FAM47B: variants seen among roughly 807,000 people sequenced by gnomAD.
FAM47B encodes protein FAM47B.
For synonymous variants in FAM47B, 247 were observed against 215.8 expected, an observed-to-expected ratio of 1.14 and a Z score of -1.27; for missense variants, 581 against 550.1, an observed-to-expected ratio of 1.06 and a Z score of -0.56.
rs746896481 is a variant in FAM47B, at chrX:34,944,268, C to T, written c.1437C>T (p.Ile479=). Residue 479 remains isoleucine, a synonymous_variant, in exon 1 of 1, where the codon ATC becomes ATT. Coordinates refer to ENST00000329357, the MANE Select transcript of FAM47B (RefSeq NM_152631.3). The part of the protein sequence containing the change: ...AGDLGVNEES[I]SSLFDFTPEC... ...ACCTAGGAGTTAATGAAGAATCCATCAGCAGTCTGTTTGACTTTACCCCTG... is the reference window on the plus strand; with the variant it reads ...ACCTAGGAGTTAATGAAGAATCCATTAGCAGTCTGTTTGACTTTACCCCTG... 6 of 1,211,820 alleles carry T rather than the reference C, an allele frequency of 5.0e-6. No individual in the cohort carries two copies. In the Admixed American group the frequency reaches 1.3e-4, roughly 26 times the overall value.
In FAM47B at chrX:34,943,110, G is replaced by A. The variant is rs1335462419; in HGVS notation, c.279G>A (p.Arg93=). ...LRGPQADRKS[R]KKKLLKKAAL... is the part of the protein sequence containing the mutation. ...GTCCCCAAGCTGACCGCAAAAGCAG[G>A]AAGAAAAAGCTGCTCAAGAAAGCGG... is the stretch of plus-strand genomic sequence containing the variant. The change falls in exon 1 of 1, where the codon AGG becomes AGA. Residue 93 remains arginine (R), a synonymous_variant. Coordinates refer to ENST00000329357, the MANE Select transcript of FAM47B (RefSeq NM_152631.3). 6.6e-6 allele frequency: 8 copies of A among 1,210,134 alleles called. No individual in the cohort carries two copies. The highest frequency in any genetic ancestry group is 5.9e-5 in the East Asian group (2 of 33,722).
Position 34,944,749 on chromosome X carries a change from G to A in FAM47B, c.1918G>A (p.Asp640Asn). ...QVYKYKEDVT[D>N]ASKED ...TTACAAGTACAAAGAAGACGTCACA[G>A]ATGCATCAAAAGAAGATTAGATGGT... Residue 640 changes from aspartate to asparagine, a missense_variant, in exon 1 of 1, where the codon GAT becomes AAT. Transcript: ENST00000329357. 1.7e-6 allele frequency: 2 copies of A among 1,161,258 alleles called. No homozygotes were observed. The highest frequency in any genetic ancestry group is 5.3e-5 in the Admixed American group (2 of 37,638).
In FAM47B at chrX:34,942,905, C is replaced by T. The variant is rs1926795899; in HGVS notation, c.74C>T (p.Pro25Leu). The change falls in exon 1 of 1, where the codon CCG becomes CTG. Residue 25 changes from proline (P) to leucine (L), a missense_variant. Transcript: ENST00000329357. ...MDSKPWYCDKPPSKYFAKRKH... is the reference protein window; with the variant it reads ...MDSKPWYCDKLPSKYFAKRKH... ...TCCAAGCCCTGGTACTGTGACAAAC[C>T]GCCTTCCAAGTACTTCGCGAAGCGC... 8.3e-7 allele frequency: 1 copy of T among 1,212,050 alleles called. No individual in the cohort carries two copies.
Position 34,944,854 on chromosome X carries a change from A to C in FAM47B, c.*85A>C. On this transcript the variant is annotated 3_prime_UTR_variant, in exon 1 of 1. Transcript: ENST00000329357. The stretch of plus-strand genomic sequence containing the variant: ...GAATTTATGATGACTGGCCCCGTGA[A>C]TGTACAACTTTGGCAACATCTGTAA... 9.6e-7 allele frequency: 1 copy of C among 1,044,811 alleles called. No homozygotes were observed. The highest frequency in any genetic ancestry group is 1.9e-5 in the African/African-American group (1 of 53,480). The allele number at this position is 1,044,811 out of a possible 1,213,427, so 86.1% of individuals were successfully genotyped here. A position where few individuals can be genotyped will look rare whatever the true frequency, so the allele number is the denominator to read the frequency against.
rs777280575 is a variant in FAM47B at position 34,944,367 on chromosome X, G to A, written c.1536G>A (p.Met512Ile). 7.4e-6 allele frequency: 9 copies of A among 1,211,892 alleles called. No homozygotes were observed. The highest frequency in any genetic ancestry group is 1.0e-5 in the Non-Finnish European group (9 of 895,617). Residue 512 changes from methionine (M) to isoleucine (I), a missense_variant, in exon 1 of 1, where the codon ATG becomes ATA. Transcript: ENST00000329357. ...GTGCTTCAAGGCTGATGTACGGCAT[G>A]GAGCTAGACGACATGGATGAGGTCG... ...NECASRLMYG[M>I]ELDDMDEVEF... is the part of the protein sequence containing the mutation.
Position 34,943,978 on chromosome X carries a change from T to G in FAM47B, c.1147T>G (p.Trp383Gly), listed in dbSNP as rs1393158508. ...CACCAAGCCTGGTAAATACCATTTTTGGGAATCCTGTCCGCGGCCTTTTGA... is the reference window on the plus strand; with the variant it reads ...CACCAAGCCTGGTAAATACCATTTTGGGGAATCCTGTCCGCGGCCTTTTGA... The part of the protein sequence containing the change: ...ELTKPGKYHF[W>G]ESCPRPFESR... Residue 383 changes from tryptophan (W) to glycine (G), a missense_variant, in exon 1 of 1, where the codon TGG becomes GGG. Coordinates refer to ENST00000329357, the MANE Select transcript of FAM47B (RefSeq NM_152631.3). The G allele has an allele frequency of 5.0e-6, 6 of 1,210,696 alleles. No homozygotes were observed. The highest frequency in any genetic ancestry group is 5.6e-6 in the Non-Finnish European group (5 of 895,250).
At position 34,943,053 on chromosome X, in the gene FAM47B, C is replaced by T; in HGVS notation, c.222C>T (p.Asp74=). Reference sequence around the variant, plus strand: ...AAGATACGCTTGTTTGTCGCCGTGACGAGTTTTTACTCCCCAAAATATCTC... The same window carrying T: ...AAGATACGCTTGTTTGTCGCCGTGATGAGTTTTTACTCCCCAAAATATCTC... ...SPEDTLVCRR[D]EFLLPKISLR... Residue 74 remains aspartate, a synonymous_variant, in exon 1 of 1, where the codon GAC becomes GAT. Transcript: ENST00000329357. 1.7e-6 allele frequency: 2 copies of T among 1,211,922 alleles called. No homozygotes were observed. The highest frequency in any genetic ancestry group is 2.2e-6 in the Non-Finnish European group (2 of 895,566).
Position 34,943,597 on chromosome X carries a change from G to A in FAM47B, c.766G>A (p.Val256Met). The A allele has an allele frequency of 8.3e-7, 1 of 1,210,672 alleles. No individual in the cohort carries two copies. The highest frequency in any genetic ancestry group is 1.1e-6 in the Non-Finnish European group (1 of 895,265). The part of the protein sequence containing the change: ...HLRVDPPETG[V>M]SHLCPEPPKT... ...CCGCGTGGATCCTCCCGAGACTGGA[G>A]TGTCCCATCTCTGCCCAGAGCCTCC... Residue 256 changes from valine (V) to methionine (M), a missense_variant, in exon 1 of 1, where the codon GTG becomes ATG. Coordinates refer to ENST00000329357, the MANE Select transcript of FAM47B (RefSeq NM_152631.3).
rs374173252 is a variant in FAM47B at position 34,943,012 on chromosome X, G to A, written c.181G>A (p.Ala61Thr). Residue 61 changes from alanine (A) to threonine (T), a missense_variant, in exon 1 of 1, where the codon GCC (alanine) becomes ACC (threonine). Transcript: ENST00000329357. ...VTEGMDDFRYACQSPEDTLVC... is the reference protein window; with the variant it reads ...VTEGMDDFRYTCQSPEDTLVC... The stretch of plus-strand genomic sequence containing the variant: ...GGAGGGCATGGACGACTTCCGCTAC[G>A]CCTGTCAGTCTCCTGAAGATACGCT... 15 of 1,210,876 alleles carry A rather than the reference G, an allele frequency of 1.2e-5. No individual in the cohort carries two copies. The African/African-American group carries it at 2.1e-4, about 17-fold the overall frequency.
rs779732930 is a variant in FAM47B, at chrX:34,943,649, C to T, written c.818C>T (p.Pro273Leu). The stretch of plus-strand genomic sequence containing the variant: ...AAGACTCTGGTGTCCAGTGTCCACC[C>T]AGAGCCTCCTGATACTGGAGCGTCC... ...PPKTLVSSVH[P>L]EPPDTGASHL... Residue 273 changes from proline to leucine, a missense_variant, in exon 1 of 1, where the codon CCA becomes CTA. Physicochemically the swap from Pro to Leu is moderately conservative, Grantham distance 98. Coordinates refer to ENST00000329357, the MANE Select transcript of FAM47B (RefSeq NM_152631.3). 226 of 1,205,806 alleles carry T rather than the reference C, an allele frequency of 1.9e-4. No individual in the cohort carries two copies. The highest frequency in any genetic ancestry group is 2.5e-4 in the Non-Finnish European group (222 of 893,958).
In FAM47B at chrX:34,943,140, A is replaced by G. The variant is rs1423614287; in HGVS notation, c.309A>G (p.Leu103=). ...AAAAGCTGCTCAAGAAAGCGGCCCT[A>G]TTTTCCGAGCTCTCGCCAGTACAGC... The part of the protein sequence containing the change: ...RKKKLLKKAA[L]FSELSPVQPA... The change falls in exon 1 of 1, where the codon CTA becomes CTG. Residue 103 remains leucine (L), a synonymous_variant. Coordinates refer to ENST00000329357, the MANE Select transcript of FAM47B (RefSeq NM_152631.3). 1.4e-5 allele frequency: 17 copies of G among 1,209,799 alleles called. No individual in the cohort carries two copies. The highest frequency in any genetic ancestry group is 2.3e-4 in the Middle Eastern group (1 of 4,372).
chrX:34,943,245 A>T lies in FAM47B; in HGVS notation c.414A>T (p.Gly138=). 1 of 1,211,196 alleles carries T rather than the reference A, an allele frequency of 8.3e-7. No individual in the cohort carries two copies. Among genetic ancestry groups the T allele is most frequent in the African/African-American group, 1.7e-5 (1 of 57,721 alleles). ...KHPLAMYPNL[G]KDMPPDLLLQ... Reference sequence around the variant, plus strand: ...CCTTGGCCATGTACCCCAATCTGGGAAAAGATATGCCTCCAGATCTCCTAC... The same window carrying T: ...CCTTGGCCATGTACCCCAATCTGGGTAAAGATATGCCTCCAGATCTCCTAC... The change falls in exon 1 of 1, where the codon GGA becomes GGT. Residue 138 remains glycine (G), a synonymous_variant. Transcript: ENST00000329357.
rs111279132 is a variant in FAM47B, at chrX:34,943,754, G to T, written c.923G>T (p.Arg308Leu). The T allele has an allele frequency of 4.2e-5, 51 of 1,205,036 alleles. No individual in the cohort carries two copies. Among genetic ancestry groups the T allele is most frequent in the Non-Finnish European group, 5.3e-5 (47 of 893,719 alleles). ...EPPETGVSHL[R>L]PEPSKTQVSS... ...CCTGAGACTGGAGTGTCCCATCTCCGCCCAGAGCCTTCCAAGACTCAGGTG... is the reference window on the plus strand; with the variant it reads ...CCTGAGACTGGAGTGTCCCATCTCCTCCCAGAGCCTTCCAAGACTCAGGTG... The change falls in exon 1 of 1, where the codon CGC becomes CTC. Residue 308 changes from arginine (R) to leucine (L), a missense_variant. Physicochemically the swap from Arg to Leu is moderately radical, Grantham distance 102 (BLOSUM62 -2). Transcript: ENST00000329357.
Sources: gnomAD v4.1 joint callset for allele counts on GRCh38, gnomAD v4.1.1 for gene constraint, MANE v1.5 for transcripts, NCBI Gene and HGNC (gene_info 2026-07-23, HGNC 2026-07-21) for gene names.